SLC26A7: variants seen among roughly 807,000 people sequenced by gnomAD.
The protein encoded by SLC26A7 is solute carrier family 26 member 7, also known as anion exchange transporter.
SLC26A7 carries 59 observed loss-of-function variants against 82.5 expected under a neutral mutation model. The ratio of observed to expected loss-of-function variants is 0.72; its 90% CI spans 0.58 to 0.89. The LOEUF (loss-of-function observed/expected upper bound fraction) is 0.89. Among genes scored for constraint, SLC26A7 ranks in the 40% least tolerant of loss-of-function variants. The pLI, the probability that SLC26A7 is intolerant of heterozygous loss-of-function variation, is 0.00. For synonymous variants in SLC26A7, 271 were observed against 274.3 expected (o/e 0.99, Z 0.12); for missense variants, 820 against 793.0 (o/e 1.03, Z -0.41).
In SLC26A7 at chr8:91,333,537, C is replaced by T. The variant is rs549640774; in HGVS notation, c.643-758C>T. Among the ~76,000 whole-genome samples the T allele has an allele frequency of 2.2e-4, 34 of 152,246 alleles. 2 individuals carry two copies. In the South Asian group the frequency reaches 5.8e-3, roughly 26 times the overall value. ...TTTCTTCATTTACCCCCTCTATCAT[C>T]TATAACCTGGCCAGTTCCCATTTAT... is the stretch of plus-strand genomic sequence containing the variant. On this transcript the variant is annotated intron_variant, in intron 5 of 18. Coordinates refer to ENST00000276609, the MANE Select transcript of SLC26A7 (RefSeq NM_052832.4).
At chr8:91,393,678 G>C in intron 16 of SLC26A7, 119 bp from the exon 17 acceptor site, 2 of 1,032,264 alleles carry the variant, frequency 1.9e-6, no homozygotes, top group Non-Finnish European at 2.9e-6. Context: ...CCTCCCTCTG[G>C]TGGTTTGACT....
chr8:91,389,642 G>A lies in SLC26A7; in HGVS notation c.1776+204G>A, dbSNP rs113827460. The stretch of plus-strand genomic sequence containing the variant: ...ATTCAGCTTCTAGTTGTATGTATGT[G>A]TGAGGGTCAGGGATCAGAATATTTG... On this transcript the variant is annotated intron_variant, in intron 16 of 18. Transcript: ENST00000276609. Among the ~76,000 whole-genome samples, 333 of 152,300 alleles carry A rather than the reference G, an allele frequency of 2.2e-3. 4 individuals are homozygous for A. Among genetic ancestry groups the A allele is most frequent in the Middle Eastern group, 0.01 (3 of 294 alleles).
chr8:91,247,455 T>C (rs781388881), upstream of SLC26A7, among the ~76,000 whole-genome samples: 20 of 152,198 alleles, frequency 1.3e-4, no homozygotes, highest in Non-Finnish European at 2.8e-4. Flanking sequence ...TGATTATAAA[T>C]AGGCATGATC....
At chr8:91,358,428 C>T (rs1813940534) in intron 11 of SLC26A7, among the ~76,000 whole-genome samples, 1 of 149,914 alleles carries the variant, frequency 6.7e-6, no homozygotes, top group African/African-American at 2.5e-5. Flanking sequence ...TCCTTGGGTT[C>T]ATGCCATTCT....
chr8:91,310,001 C>T (rs897306489), intron 4 of SLC26A7, among the ~76,000 whole-genome samples: 1 of 152,202 alleles, frequency 6.6e-6, no homozygotes, highest in African/African-American at 2.4e-5. Flanking sequence ...GTTGGGCCCA[C>T]TTGCTCAACT....
At chr8:91,320,326 G>C (rs1812757126) in intron 5 of SLC26A7, among the ~76,000 whole-genome samples, 1 of 152,182 alleles carries the variant, frequency 6.6e-6, no homozygotes, top group Non-Finnish European at 1.5e-5. Context: ...ATTTGGGAAT[G>C]TTTTTGGACT....
chr8:91,226,678 A>G (rs1344998470), intron 2 of SLC26A7, among the ~76,000 whole-genome samples: 1 of 152,238 alleles, frequency 6.6e-6, no homozygotes, highest in Non-Finnish European at 1.5e-5. Context: ...GTAGGGAGAC[A>G]AACAATAAAC....
chr8:91,320,910 T>C (rs1812773326), intron 5 of SLC26A7, among the ~76,000 whole-genome samples: 1 of 152,250 alleles, frequency 6.6e-6, no homozygotes, highest in African/African-American at 2.4e-5. Context: ...ATTGGATATC[T>C]AGAATATTTA....
At chr8:91,337,186 A>G (rs185719039) in intron 6 of SLC26A7, among the ~76,000 whole-genome samples, 2 of 152,304 alleles carry the variant, frequency 1.3e-5, no homozygotes, top group African/African-American at 4.8e-5. Flanking sequence ...TCAGCTAAAT[A>G]TCATCACAGA....
Position 91,363,630 on chromosome 8 carries a change from A to G in SLC26A7, c.1488+92A>G, listed in dbSNP as rs1402563267. On this transcript the variant is annotated intron_variant, in intron 13 of 18. Transcript: ENST00000276609. ...CATCACAAAAATTAGATAAATTATG[A>G]TAGTTAAAAATATAACTTTTTAATT... 4.4e-6 allele frequency: 3 copies of G among 681,816 alleles called. No homozygotes were observed. The East Asian group carries it at 9.8e-5, about 22-fold the overall frequency. 42.2% of individuals were successfully genotyped at this position (681,816 alleles called of 1,614,324 possible). A position where few individuals can be genotyped will look rare whatever the true frequency, so the allele number is the denominator to read the frequency against.
At chr8:91,359,893 TGTGC>T (rs1267484762) in intron 11 of SLC26A7, among the ~76,000 whole-genome samples, 1 of 142,892 alleles carries the variant, frequency 7.0e-6, no homozygotes, top group African/African-American at 2.6e-5. Context: ...TGTGTGTGTG[TGTGC>T]GCATGTGTGT....
chr8:91,382,785 C>T (rs1261523941), intron 15 of SLC26A7, among the ~76,000 whole-genome samples: 1 of 152,090 alleles, frequency 6.6e-6, no homozygotes, highest in Non-Finnish European at 1.5e-5. Context: ...CCTTCATTGT[C>T]CAATGAACAA....
At chr8:91,233,392 C>T (rs1267707645) in intron 2 of SLC26A7, among the ~76,000 whole-genome samples, 2 of 151,896 alleles carry the variant, frequency 1.3e-5, no homozygotes, top group Non-Finnish European at 1.5e-5. Context: ...CATGGCAAAA[C>T]GCAGTCTCTA....
upstream of SLC26A7, among the ~76,000 whole-genome samples, chr8:91,244,469 A>T: frequency 6.8e-6 from 1 of 147,370 alleles, no homozygotes; most frequent in Admixed American, 6.8e-5. Context: ...TATATAAGTG[A>T]TTCTTTCCCT....
At chr8:91,323,912 G>C in intron 5 of SLC26A7, among the ~76,000 whole-genome samples, 1 of 148,708 alleles carries the variant, frequency 6.7e-6, no homozygotes, top group Middle Eastern at 3.5e-3. Context: ...TCCACCTCCC[G>C]GGTTCAATGG....
chr8:91,286,593 G>C (rs1167284199), intron 2 of SLC26A7, among the ~76,000 whole-genome samples: 2 of 152,212 alleles, frequency 1.3e-5, no homozygotes, highest in East Asian at 3.9e-4. Context: ...AGTTACATAA[G>C]TATCTGTCGG....
At chr8:91,304,829 A>G (rs751258609) in intron 4 of SLC26A7, among the ~76,000 whole-genome samples, 1 of 152,170 alleles carries the variant, frequency 6.6e-6, no homozygotes, top group African/African-American at 2.4e-5. Context: ...TGGCAGAACA[A>G]TGTTCTTGGC....
intron 6 of SLC26A7, among the ~76,000 whole-genome samples, chr8:91,335,644 C>T (rs1456767274): frequency 2.6e-5 from 4 of 152,106 alleles, no homozygotes; most frequent in Admixed American, 1.3e-4. Context: ...AAACCAGTTA[C>T]GATTATTCTT....
rs150142630 is a variant in SLC26A7, at chr8:91,216,346, C to T, written c.-149-2544C>T. ...ATGACACAAGGGAAATGGCTAAAAC[C>T]ACACTGGAAATAGAAAATGCCTTTA... On this transcript the variant is annotated intron_variant, in intron 1 of 5. Coordinates refer to the SLC26A7 transcript ENST00000522862. Among the ~76,000 whole-genome samples, 1,442 of 152,232 alleles carry T rather than the reference C, an allele frequency of 9.5e-3. 12 individuals are homozygous for T. The highest frequency in any genetic ancestry group is 0.016 in the Non-Finnish European group (1,110 of 68,006).
Sources: allele counts gnomAD v4.1 joint callset (sites outside exome capture counted in the v4.1 genomes callset), GRCh38; gene constraint gnomAD v4.1.1; transcripts MANE v1.5; gene names NCBI Gene and HGNC (gene_info 2026-07-23, HGNC 2026-07-21).